MLLT10: variants seen among roughly 807,000 people sequenced by gnomAD.
MLLT10 encodes the protein MLLT10 histone lysine methyltransferase DOT1L cofactor.
A neutral mutation model predicts 129.1 loss-of-function variants in MLLT10; 30 were observed. That is an observed-to-expected ratio of 0.23 (90% CI 0.17 to 0.32). The LOEUF (loss-of-function observed/expected upper bound fraction) is 0.32, where lower values mean the gene tolerates loss of function less well. MLLT10 is among the 10% of genes least tolerant of loss of function. The pLI, the probability that MLLT10 is intolerant of heterozygous loss-of-function variation, is 1.00. For missense variants in MLLT10, 1,119 were observed against 1,268.3 expected (o/e 0.88, Z 1.79); for synonymous variants, 490 against 446.4 (o/e 1.10, Z -1.23).
chr10:21,701,744 G>A (rs549991017), intron 13 of MLLT10, among the ~76,000 whole-genome samples: 20 of 151,838 alleles, frequency 1.3e-4, no homozygotes, highest in Non-Finnish European at 2.1e-4. Flanking sequence ...GTACCACCAC[G>A]CCTGGTTAAT....
chr10:21,738,707 A>T (rs1693292935), intron 21 of MLLT10: 1 of 319,652 alleles, frequency 3.1e-6, no homozygotes, highest in Non-Finnish European at 4.5e-6. Flanking sequence ...CATTAGACAG[A>T]GTTGATCGCT....
intron 8 of MLLT10, among the ~76,000 whole-genome samples, chr10:21,645,525 T>C (rs1392643848): frequency 2.0e-5 from 3 of 152,214 alleles, no homozygotes; most frequent in African/African-American, 7.2e-5. Context: ...GTTCTTTTTC[T>C]TTCTTATGTT....
intron 9 of MLLT10, among the ~76,000 whole-genome samples, chr10:21,653,449 A>G (rs2049251985): frequency 6.6e-6 from 1 of 152,040 alleles, no homozygotes. Flanking sequence ...CCTCCATCTC[A>G]TAGGTAGCAA....
chr10:21,736,128 A>T (rs2058344486), intron 21 of MLLT10, among the ~76,000 whole-genome samples: 1 of 152,096 alleles, frequency 6.6e-6, no homozygotes, highest in Non-Finnish European at 1.5e-5. Context: ...ATTTTAAAGG[A>T]TTAGTTTTGC....
intron 14 of MLLT10, among the ~76,000 whole-genome samples, chr10:21,720,741 T>C (rs1409527776): frequency 6.6e-6 from 1 of 152,220 alleles, no homozygotes; most frequent in Non-Finnish European, 1.5e-5. Flanking sequence ...AGAATATAAT[T>C]GGTAAGTTGT....
intron 3 of MLLT10, among the ~76,000 whole-genome samples, chr10:21,583,241 A>T (rs115842917): frequency 0.019 from 2,899 of 152,300 alleles, 89 homozygotes; most frequent in African/African-American, 0.065. Flanking sequence ...AGATACAAAT[A>T]GATAAAATTT....
At chr10:21,593,940 A>AAAAG (rs2042760773) in intron 4 of MLLT10, among the ~76,000 whole-genome samples, 1 of 148,580 alleles carries the variant, frequency 6.7e-6, no homozygotes, top group African/African-American at 2.5e-5. Context: ...AAAAAAAAAA[A>AAAAG]AAAAAAAAAA....
chr10:21,572,671 G>T (rs1258707006), intron 3 of MLLT10, among the ~76,000 whole-genome samples: 1 of 151,778 alleles, frequency 6.6e-6, no homozygotes, highest in African/African-American at 2.4e-5. Flanking sequence ...CCTCGCTGGA[G>T]TGCAGTGGTG....
chr10:21,615,873 G>A (rs1331098319), intron 7 of MLLT10, among the ~76,000 whole-genome samples: 2 of 152,178 alleles, frequency 1.3e-5, no homozygotes, highest in Admixed American at 1.3e-4. Context: ...TGAAGGGTCA[G>A]TATGCCTGAA....
intron 14 of MLLT10, among the ~76,000 whole-genome samples, chr10:21,723,062 T>A (rs1170149954): frequency 6.6e-6 from 1 of 152,202 alleles, no homozygotes; most frequent in Non-Finnish European, 1.5e-5. Context: ...GTTTGGGAAA[T>A]TGGTCATTTC....
At chr10:21,581,922 A>T (rs1195079872) in intron 3 of MLLT10, among the ~76,000 whole-genome samples, 1 of 152,176 alleles carries the variant, frequency 6.6e-6, no homozygotes, top group East Asian at 1.9e-4. Context: ...CTTAATGTAC[A>T]CTAAATTTAT....
intron 3 of MLLT10, among the ~76,000 whole-genome samples, chr10:21,558,530 T>G (rs141437508): frequency 6.6e-5 from 10 of 151,702 alleles, no homozygotes; most frequent in African/African-American, 2.2e-4. Context: ...CTGAGCAAGT[T>G]TCTTCTTCTT....
In MLLT10 at chr10:21,735,207, A is replaced by AGTT; in HGVS notation, c.2931_2933dup (p.Leu978dup). 4 of 1,613,808 alleles carry AGTT rather than the reference A, an allele frequency of 2.5e-6. No homozygotes were observed. Among genetic ancestry groups the AGTT allele is most frequent in the Non-Finnish European group, 3.4e-6 (4 of 1,179,822 alleles). ...CTTATTCATCAACAGCAGTTTCAGC[A>AGTT]GTTGTTAAATTCTCAACAGCTCACA... On this transcript the variant is annotated inframe_insertion, in exon 21 of 23. Coordinates refer to ENST00000307729, the MANE Select transcript of MLLT10 (RefSeq NM_001195626.3).
Position 21,742,682 on chromosome 10 carries a change from TTC to T in MLLT10, c.*701_*702del, listed in dbSNP as rs1218207473. ...TTGAAGAAATCTTGAGTTAAGTGAG[TTC>T]TGAGGCTGCTGGGGGAACCAGATCA... On this transcript the variant is annotated 3_prime_UTR_variant, in exon 23 of 23. Transcript: ENST00000307729. 4.5e-6 allele frequency: 1 copy of T among 224,578 alleles called. No individual in the cohort carries two copies. Among genetic ancestry groups the T allele is most frequent in the Non-Finnish European group, 8.9e-6 (1 of 112,764 alleles). The allele number at this position is 224,578 out of a possible 1,614,324, so 13.9% of individuals were successfully genotyped here.
intron 8 of MLLT10, among the ~76,000 whole-genome samples, chr10:21,620,935 G>A (rs2045751480): frequency 1.3e-5 from 2 of 150,814 alleles, no homozygotes; most frequent in Admixed American, 1.3e-4. Flanking sequence ...CACCCGCCTT[G>A]GCCTCCTAAA....
rs2055725944 is a variant in MLLT10 at position 21,708,272 on chromosome 10, C to T, written c.1700-5500C>T. On this transcript the variant is annotated intron_variant, in intron 13 of 22. Coordinates refer to ENST00000307729, the MANE Select transcript of MLLT10 (RefSeq NM_001195626.3). ...CTTTGTTTCTCCTCCCTATCCTGAA[C>T]AGATGAATTTCAGTGTATTTTCCTA... Among the ~76,000 whole-genome samples, 3 of 152,204 alleles carry T rather than the reference C, an allele frequency of 2.0e-5. 1 individual carries two copies. The South Asian group carries it at 6.2e-4, about 31-fold the overall frequency.
intron 8 of MLLT10, among the ~76,000 whole-genome samples, chr10:21,623,025 G>A (rs1415025777): frequency 6.6e-6 from 1 of 152,214 alleles, no homozygotes; most frequent in Non-Finnish European, 1.5e-5. Context: ...AGGAACAGCT[G>A]GATGGAAGAG....
In MLLT10 at chr10:21,621,055, G is replaced by A. The variant is rs189247566; in HGVS notation, c.699+3848G>A. On this transcript the variant is annotated intron_variant, in intron 8 of 22. Coordinates refer to ENST00000307729, the MANE Select transcript of MLLT10 (RefSeq NM_001195626.3). ...GCTGGAGTGCAGTGGCGCAATCTCGGTTTACTGCAAGCTCCGCCTCCGGGT... is the reference window on the plus strand; with the variant it reads ...GCTGGAGTGCAGTGGCGCAATCTCGATTTACTGCAAGCTCCGCCTCCGGGT... Among the ~76,000 whole-genome samples, 228 of 151,266 alleles carry A rather than the reference G, an allele frequency of 1.5e-3. 1 individual carries two copies. Among genetic ancestry groups the A allele is most frequent in the Non-Finnish European group, 2.3e-3 (159 of 67,920 alleles).
intron 3 of MLLT10, among the ~76,000 whole-genome samples, chr10:21,543,996 C>T (rs1051842078): frequency 2.0e-5 from 3 of 152,184 alleles, no homozygotes; most frequent in African/African-American, 7.2e-5. Context: ...CTACTTGTTC[C>T]AAAATGAGTA....
Sources: gnomAD v4.1 joint callset for allele counts (sites outside exome capture counted in the v4.1 genomes callset) on GRCh38, gnomAD v4.1.1 for gene constraint, MANE v1.5 for transcripts, NCBI Gene and HGNC (gene_info 2026-07-23, HGNC 2026-07-21) for gene names.